RNLS: variants seen among roughly 807,000 people sequenced by gnomAD.
The protein encoded by RNLS is renalase, FAD dependent amine oxidase.
A neutral mutation model predicts 39.8 loss-of-function variants in RNLS; 39 were observed. The observed-to-expected ratio is 0.98, with a 90% CI of 0.76 to 1.28. RNLS has a LOEUF of 1.28. RNLS is among the 50% of genes most tolerant of loss of function. RNLS has a pLI of 0.00. For missense variants in RNLS, 410 were observed against 413.3 expected (o/e 0.99, Z 0.07); for synonymous variants, 147 against 150.7 (o/e 0.98, Z 0.18).
At chr10:88,344,866 G>A (rs551446162) in intron 5 of RNLS, among the ~76,000 whole-genome samples, 44 of 152,146 alleles carry the variant, frequency 2.9e-4, no homozygotes, top group African/African-American at 1.1e-3. Flanking sequence ...AAATATTAAT[G>A]GAATTTCAAG....
intron 6 of RNLS, among the ~76,000 whole-genome samples, chr10:88,301,912 A>T (rs910925529): frequency 1.3e-5 from 2 of 152,246 alleles, no homozygotes; most frequent in African/African-American, 4.8e-5. Flanking sequence ...AATCAAGAAA[A>T]GAGAGCAACG....
chr10:88,277,826 CTTAAT>C (rs1417314267), intron 6 of RNLS, among the ~76,000 whole-genome samples: 3 of 152,036 alleles, frequency 2.0e-5, no homozygotes, highest in Non-Finnish European at 4.4e-5. Flanking sequence ...GTGATTTATT[CTTAAT>C]TTAATGTTTT....
At chr10:88,343,451 A>G (rs1848100485) in intron 5 of RNLS, 1 of 759,996 alleles carries the variant, frequency 1.3e-6, no homozygotes, top group Non-Finnish European at 1.6e-6. Flanking sequence ...GAAAAAGTTC[A>G]GAATAATGAA....
chr10:88,540,976 T>A (rs1343661976), intron 4 of RNLS, among the ~76,000 whole-genome samples: 1 of 140,342 alleles, frequency 7.1e-6, no homozygotes, highest in African/African-American at 2.8e-5. Context: ...TCATCATAAG[T>A]CCCTCCTTAC....
intron 4 of RNLS, among the ~76,000 whole-genome samples, chr10:88,468,819 G>T (rs939359414): frequency 4.6e-5 from 7 of 152,082 alleles, no homozygotes; most frequent in African/African-American, 7.2e-5. Flanking sequence ...GGTGAAATGG[G>T]CTTATGAATA....
chr10:88,456,771 T>C (rs1842650523), intron 4 of RNLS, among the ~76,000 whole-genome samples: 1 of 152,190 alleles, frequency 6.6e-6, no homozygotes, highest in African/African-American at 2.4e-5. Flanking sequence ...TGACCAATTT[T>C]TTAAAAAAAT....
At chr10:88,450,996 A>AAAG (rs35709235) in intron 4 of RNLS, among the ~76,000 whole-genome samples, 108,641 of 151,618 alleles carry the variant, frequency 0.72, 40,225 homozygotes, top group African/African-American at 0.91. Flanking sequence ...TGACAGGAAA[A>AAAG]AAGTTGTCCA....
At chr10:88,444,571 G>GA (rs886471140) in intron 4 of RNLS, among the ~76,000 whole-genome samples, 2 of 151,822 alleles carry the variant, frequency 1.3e-5, no homozygotes, top group African/African-American at 2.4e-5. Context: ...TAAAAACCTT[G>GA]AAAAAAAATT....
chr10:88,574,294 G>A (rs900152855), intron 3 of RNLS, among the ~76,000 whole-genome samples: 4 of 152,116 alleles, frequency 2.6e-5, no homozygotes, highest in Admixed American at 2.6e-4. Flanking sequence ...AAATGAAGAT[G>A]GAATGAGGGA....
intron 4 of RNLS, among the ~76,000 whole-genome samples, chr10:88,465,190 A>C (rs997535536): frequency 6.6e-6 from 1 of 152,224 alleles, no homozygotes; most frequent in South Asian, 2.1e-4. Flanking sequence ...TGTCAAATAA[A>C]ACAAGACCGT....
chr10:88,237,055 T>A, the RNLS span, among the ~76,000 whole-genome samples: 1 of 152,192 alleles, frequency 6.6e-6, no homozygotes, highest in Non-Finnish European at 1.5e-5. Context: ...TCAAGTTGGA[T>A]AAAGTTGCCA....
At chr10:88,461,477 C>T (rs761150259) in intron 4 of RNLS, among the ~76,000 whole-genome samples, 2 of 152,130 alleles carry the variant, frequency 1.3e-5, no homozygotes, top group East Asian at 1.9e-4. Context: ...CCAGGCTGAA[C>T]GTTTCTATCC....
chr10:88,399,754 C>T (rs1296103042), intron 4 of RNLS, among the ~76,000 whole-genome samples: 2 of 151,860 alleles, frequency 1.3e-5, no homozygotes, highest in African/African-American at 4.8e-5. Flanking sequence ...GAATTATATC[C>T]CAATTTTTAA....
chr10:88,202,978 C>A, the RNLS span, among the ~76,000 whole-genome samples: 1 of 151,874 alleles, frequency 6.6e-6, no homozygotes, highest in Admixed American at 6.6e-5. Flanking sequence ...GGTGGAGAGA[C>A]CTTTCAAGAG....
chr10:88,536,446 C>G (rs1213795057), intron 4 of RNLS, among the ~76,000 whole-genome samples: 2 of 152,194 alleles, frequency 1.3e-5, no homozygotes, highest in East Asian at 3.8e-4. Flanking sequence ...ACATAGCAGT[C>G]AGAGAGAGCA....
chr10:88,327,883 G>A (rs1030902796), intron 5 of RNLS, among the ~76,000 whole-genome samples: 7 of 151,278 alleles, frequency 4.6e-5, no homozygotes, highest in Admixed American at 2.0e-4. Context: ...GATTATAGGC[G>A]TGAGCCACTG....
the RNLS span, among the ~76,000 whole-genome samples, chr10:88,254,736 G>A: frequency 2.6e-5 from 4 of 152,132 alleles, no homozygotes; most frequent in Non-Finnish European, 4.4e-5. Context: ...ATCACCTAAC[G>A]AGCTAACATA....
intron 6 of RNLS, among the ~76,000 whole-genome samples, chr10:88,311,318 C>T (rs1475219904): frequency 6.6e-6 from 1 of 152,156 alleles, no homozygotes; most frequent in East Asian, 1.9e-4. Flanking sequence ...AGTAATTCTG[C>T]TTCTAGTGAA....
At chr10:88,308,944 A>G (rs763958140) in intron 6 of RNLS, among the ~76,000 whole-genome samples, 10 of 152,224 alleles carry the variant, frequency 6.6e-5, no homozygotes, top group Non-Finnish European at 1.2e-4. Flanking sequence ...CAGTTATAAA[A>G]AAGAATGGGA....
Sources: allele counts gnomAD v4.1 joint callset (sites outside exome capture counted in the v4.1 genomes callset), GRCh38; gene constraint gnomAD v4.1.1; transcripts MANE v1.5; gene names NCBI Gene and HGNC (gene_info 2026-07-23, HGNC 2026-07-21).